CDH13: variants seen among roughly 807,000 people sequenced by gnomAD.
The protein encoded by CDH13 is cadherin-13.
A neutral mutation model predicts 63.8 loss-of-function variants in CDH13; 24 were observed. The observed-to-expected ratio is 0.38, with a 90% CI of 0.27 to 0.53. The LOEUF is 0.53. Ranked by LOEUF, CDH13 falls within the 20% of genes least tolerant of loss-of-function variation. The pLI, the probability that CDH13 is intolerant of heterozygous loss-of-function variation, is 0.85. For missense variants in CDH13, 1,049 were observed against 903.1 expected, an observed-to-expected ratio of 1.16 and a Z score of -2.07; for synonymous variants, 503 against 355.3, an observed-to-expected ratio of 1.42 and a Z score of -4.67.
chr16:83,482,360 G>A (rs1236895107), intron 6 of CDH13, among the ~76,000 whole-genome samples: 1 of 152,194 alleles, frequency 6.6e-6, no homozygotes, highest in Non-Finnish European at 1.5e-5. Context: ...GAAATAAAGA[G>A]GTTCCATCAA....
At chr16:82,913,598 C>G (rs1226478400) in intron 2 of CDH13, among the ~76,000 whole-genome samples, 1 of 152,130 alleles carries the variant, frequency 6.6e-6, no homozygotes, top group Non-Finnish European at 1.5e-5. Context: ...GGTGGCTATA[C>G]CACAGAGGCC....
intron 4 of CDH13, among the ~76,000 whole-genome samples, chr16:83,150,557 T>C (rs1048321671): frequency 2.6e-5 from 4 of 152,256 alleles, no homozygotes; most frequent in African/African-American, 9.6e-5. Flanking sequence ...GCCTGTGTCT[T>C]GTTGATCCAG....
intron 13 of CDH13, 107 bp downstream of exon 13, chr16:83,783,579 A>AAG: frequency 1.2e-6 from 1 of 869,006 alleles, no homozygotes; most frequent in Non-Finnish European, 1.9e-6. Flanking sequence ...TGTTTCCCAG[A>AAG]AGAATCATTC....
At chr16:83,135,549 C>G (rs76573704) in intron 4 of CDH13, among the ~76,000 whole-genome samples, 1 of 152,148 alleles carries the variant, frequency 6.6e-6, no homozygotes, top group African/African-American at 2.4e-5. Flanking sequence ...TGCAATTGTA[C>G]CAGGGCTCTG....
chr16:83,218,425 G>A (rs888529319), intron 5 of CDH13, among the ~76,000 whole-genome samples: 1 of 152,064 alleles, frequency 6.6e-6, no homozygotes, highest in South Asian at 2.1e-4. Context: ...ACCTGTCAAT[G>A]AGAACTGAAA....
At chr16:83,301,181 A>C (rs1230804942) in intron 5 of CDH13, among the ~76,000 whole-genome samples, 1 of 151,218 alleles carries the variant, frequency 6.6e-6, no homozygotes, top group Non-Finnish European at 1.5e-5. Flanking sequence ...ACAGGCGCCC[A>C]CCACCACGCC....
At chr16:82,682,252 C>G (rs982361134) in intron 1 of CDH13, among the ~76,000 whole-genome samples, 2 of 152,098 alleles carry the variant, frequency 1.3e-5, no homozygotes, top group African/African-American at 4.8e-5. Context: ...GTGCAGATTC[C>G]CAGGCCCCAC....
intron 4 of CDH13, among the ~76,000 whole-genome samples, chr16:83,168,609 T>TAAA (rs35460189): frequency 6.6e-6 from 1 of 151,740 alleles, no homozygotes; most frequent in African/African-American, 2.4e-5. Context: ...AAATAAATTT[T>TAAA]AAAAAAAACG....
At chr16:83,309,922 A>G (rs114606650) in intron 5 of CDH13, among the ~76,000 whole-genome samples, 2,595 of 152,190 alleles carry the variant, frequency 0.017, 71 homozygotes, top group African/African-American at 0.056. Flanking sequence ...CCTGGGTGAA[A>G]GTGGCTCTCC....
chr16:83,120,763 C>CTTTTTTTTTTTTTTTTTTTT (rs750711823), intron 3 of CDH13, among the ~76,000 whole-genome samples: 15 of 60,226 alleles, frequency 2.5e-4, no homozygotes, highest in South Asian at 6.2e-4. Flanking sequence ...AATTTTCTTT[C>CTTTTTTTTTTTTTTTTTTTT]TTTTTTTTTT....
At chr16:83,567,061 C>T (rs919082936) in intron 7 of CDH13, among the ~76,000 whole-genome samples, 12 of 152,154 alleles carry the variant, frequency 7.9e-5, no homozygotes, top group Non-Finnish European at 1.8e-4. Context: ...GCCTGAAATT[C>T]CTTACAATTT....
At chr16:83,692,866 G>A (rs1181397478) in intron 10 of CDH13, among the ~76,000 whole-genome samples, 11 of 152,080 alleles carry the variant, frequency 7.2e-5, no homozygotes, top group Admixed American at 5.9e-4. Flanking sequence ...GGTGGATCAC[G>A]AGGTCAGGAG....
intron 8 of CDH13, among the ~76,000 whole-genome samples, chr16:83,667,904 C>T (rs1024221088): frequency 6.6e-6 from 1 of 152,056 alleles, no homozygotes; most frequent in Admixed American, 6.6e-5. Context: ...CTCAAGTGAT[C>T]CTCCCACCTC....
chr16:83,322,390 A>G (rs12598011), intron 5 of CDH13, among the ~76,000 whole-genome samples: 4,769 of 152,272 alleles, frequency 0.031, 133 homozygotes, highest in Admixed American at 0.086. Flanking sequence ...CTGTGGTCTT[A>G]TTTCTCCAAA....
chr16:82,940,979 G>A (rs190227643), intron 2 of CDH13, among the ~76,000 whole-genome samples: 1 of 152,264 alleles, frequency 6.6e-6, no homozygotes, highest in Admixed American at 6.5e-5. Context: ...AAATGGAGAA[G>A]GTGCACATTT....
intron 4 of CDH13, among the ~76,000 whole-genome samples, chr16:83,193,779 A>T (rs1053405211): frequency 6.6e-6 from 1 of 152,196 alleles, no homozygotes; most frequent in Non-Finnish European, 1.5e-5. Flanking sequence ...ACAAGCCTAG[A>T]TTTGATTAAC....
intron 5 of CDH13, among the ~76,000 whole-genome samples, chr16:83,239,586 G>A (rs1427165570): frequency 2.0e-5 from 3 of 152,162 alleles, no homozygotes; most frequent in African/African-American, 7.2e-5. Context: ...AAAGAAAATA[G>A]GCATAGCATC....
chr16:82,845,788 C>G (rs2039232251), intron 1 of CDH13, among the ~76,000 whole-genome samples: 1 of 152,166 alleles, frequency 6.6e-6, no homozygotes, highest in Non-Finnish European at 1.5e-5. Flanking sequence ...TAAATAGATG[C>G]AAATACCACC....
At chr16:83,259,149 G>C (rs1906653957) in intron 5 of CDH13, among the ~76,000 whole-genome samples, 1 of 152,112 alleles carries the variant, frequency 6.6e-6, no homozygotes, top group Non-Finnish European at 1.5e-5. Flanking sequence ...GCCGGCTGAG[G>C]GGGACAGTCA....
Sources: allele counts gnomAD v4.1 joint callset (sites outside exome capture counted in the v4.1 genomes callset), GRCh38; gene constraint gnomAD v4.1.1; transcripts MANE v1.5; gene names NCBI Gene and HGNC (gene_info 2026-07-23, HGNC 2026-07-21).